The following ZBTB7C variants were observed in gnomAD, a reference collection of about 807,000 sequenced individuals.
ZBTB7C encodes zinc finger and BTB domain-containing protein 7C.
Under a neutral mutation model 25.7 loss-of-function variants are expected in ZBTB7C, and 8 were observed. The ratio of observed to expected loss-of-function variants is 0.31; its 90% confidence interval spans 0.18 to 0.56. The LOEUF is 0.56. Among genes scored for constraint, ZBTB7C ranks in the 20% least tolerant of loss-of-function variants. The pLI, the probability that ZBTB7C is intolerant of heterozygous loss-of-function variation, is 0.91. For synonymous variants in ZBTB7C, 394 were observed against 369.0 expected (o/e 1.07, Z -0.78); for missense variants, 824 against 855.2 (o/e 0.96, Z 0.46).
intron 3 of ZBTB7C, among the ~76,000 whole-genome samples, chr18:48,062,244 T>A (rs1171887531): frequency 1.3e-5 from 2 of 152,220 alleles, no homozygotes; most frequent in African/African-American, 4.8e-5. Flanking sequence ...TCCTGAGGGT[T>A]CATCATGTGA....
intron 2 of ZBTB7C, among the ~76,000 whole-genome samples, chr18:48,193,182 G>A (rs1416389490): frequency 1.3e-5 from 2 of 152,116 alleles, no homozygotes; most frequent in African/African-American, 2.4e-5. Flanking sequence ...CCTCCAGCTG[G>A]TGATGCAAAC....
chr18:48,196,559 A>G (rs2145183801), intron 2 of ZBTB7C, among the ~76,000 whole-genome samples: 1 of 152,232 alleles, frequency 6.6e-6, no homozygotes, highest in African/African-American at 2.4e-5. Flanking sequence ...GTTTATGTCC[A>G]ATTGTGTCAC....
At chr18:48,408,837 C>T (rs536743699) in intron 1 of ZBTB7C, among the ~76,000 whole-genome samples, 17 of 151,770 alleles carry the variant, frequency 1.1e-4, no homozygotes, top group African/African-American at 3.9e-4. Context: ...CAGCCCCGCG[C>T]GCCACTTCGC....
Position 48,028,962 on chromosome 18 carries a change from C to G in ZBTB7C, c.*298G>C. The stretch of plus-strand genomic sequence containing the variant: ...TGACTCACCCAGCTCCTAAGTGCCC[C>G]TGGGCACCCAGTTCTTTGTGGCATG... On this transcript the variant is annotated 3_prime_UTR_variant, in exon 5 of 5. Coordinates refer to ENST00000590800, the MANE Select transcript of ZBTB7C (RefSeq NM_001318841.2). 2.5e-6 allele frequency: 1 copy of G among 395,496 alleles called. No homozygotes were observed. Among genetic ancestry groups the G allele is most frequent in the East Asian group, 5.8e-5 (1 of 17,174 alleles). The allele number at this position is 395,496 out of a possible 1,614,324, so 24.5% of individuals were successfully genotyped here.
intron 3 of ZBTB7C, among the ~76,000 whole-genome samples, chr18:48,053,246 C>A (rs891797485): frequency 8.5e-5 from 13 of 152,170 alleles, no homozygotes; most frequent in Non-Finnish European, 1.6e-4. Flanking sequence ...GAGTTGGGAG[C>A]GGCCGCTTCT....
chr18:48,398,110 G>A lies in ZBTB7C; in HGVS notation c.-304+11116C>T, dbSNP rs117851602. Among the ~76,000 whole-genome samples, 95 of 152,366 alleles carry A rather than the reference G, an allele frequency of 6.2e-4. 1 individual carries two copies. The East Asian group carries it at 0.015, about 24-fold the overall frequency. On this transcript the variant is annotated intron_variant, in intron 1 of 4. Coordinates refer to ENST00000590800, the MANE Select transcript of ZBTB7C (RefSeq NM_001318841.2). ...TGAGCCCCTGAAAGGGCCGGCTGCC[G>A]GGATTAGGGACAGCATTCATTGGAA...
chr18:48,125,507 G>A (rs551973883), intron 3 of ZBTB7C, among the ~76,000 whole-genome samples: 123 of 152,360 alleles, frequency 8.1e-4, no homozygotes, highest in African/African-American at 2.3e-3. Context: ...GTGCCATGGT[G>A]TAAATGGCAA....
chr18:48,089,040 A>G (rs1400163892), intron 3 of ZBTB7C, among the ~76,000 whole-genome samples: 2 of 152,186 alleles, frequency 1.3e-5, no homozygotes, highest in Non-Finnish European at 2.9e-5. Flanking sequence ...ACCCTCCCTG[A>G]GCCCGGTTTA....
chr18:48,284,851 C>T (rs550561746), intron 2 of ZBTB7C, among the ~76,000 whole-genome samples: 1 of 151,424 alleles, frequency 6.6e-6, no homozygotes, highest in East Asian at 1.9e-4. Context: ...TCATCCCCAG[C>T]CTCCTTTGGT....
Position 48,384,171 on chromosome 18 carries a change from C to G in ZBTB7C, c.-304+25055G>C, listed in dbSNP as rs149316709. Among the ~76,000 whole-genome samples the G allele has an allele frequency of 1.4e-3, 212 of 152,330 alleles. 1 individual carries two copies. Among genetic ancestry groups the G allele is most frequent in the African/African-American group, 4.9e-3 (205 of 41,572 alleles). On this transcript the variant is annotated intron_variant, in intron 1 of 4. Coordinates refer to ENST00000590800, the MANE Select transcript of ZBTB7C (RefSeq NM_001318841.2). ...AGAAGGATGGAAATAAGATACAAGG[C>G]TTGAGCAACGGTCAGCTTTGGGTTT...
chr18:48,095,068 C>T lies in ZBTB7C; in HGVS notation c.-16-53945G>A, dbSNP rs552812070. Reference sequence around the variant, plus strand: ...AGCTGAATTTGCTGCAAAAATCTCCCCCAATTCCCTCCTGGTAGTAACCAG... The same window carrying T: ...AGCTGAATTTGCTGCAAAAATCTCCTCCAATTCCCTCCTGGTAGTAACCAG... On this transcript the variant is annotated intron_variant, in intron 3 of 4. Transcript: ENST00000590800. Among the ~76,000 whole-genome samples, 13 of 152,230 alleles carry T rather than the reference C, an allele frequency of 8.5e-5. No individual in the cohort carries two copies. In the South Asian group the frequency reaches 2.3e-3, roughly 27 times the overall value.
chr18:48,154,229 A>T (rs1013390182), intron 3 of ZBTB7C, among the ~76,000 whole-genome samples: 2 of 152,134 alleles, frequency 1.3e-5, no homozygotes, highest in Admixed American at 1.3e-4. Flanking sequence ...CAGGAGGTCA[A>T]TCAAGGATCT....
intron 3 of ZBTB7C, among the ~76,000 whole-genome samples, chr18:48,177,589 T>TTG (rs151061136): frequency 4.0e-5 from 6 of 151,608 alleles, no homozygotes; most frequent in Non-Finnish European, 8.8e-5. Context: ...ATGTGTGTGT[T>TTG]TGTGTGTGTG....
intron 2 of ZBTB7C, among the ~76,000 whole-genome samples, chr18:48,291,378 A>C (rs552939052): frequency 2.0e-4 from 30 of 152,272 alleles, no homozygotes; most frequent in African/African-American, 5.8e-4. Flanking sequence ...GGATTCAACA[A>C]AGCAGCAACA....
At chr18:48,061,373 C>T (rs1488585011) in intron 3 of ZBTB7C, among the ~76,000 whole-genome samples, 1 of 152,166 alleles carries the variant, frequency 6.6e-6, no homozygotes, top group Non-Finnish European at 1.5e-5. Context: ...TATAGTCCCA[C>T]GTGGAGTGCT....
intron 3 of ZBTB7C, among the ~76,000 whole-genome samples, chr18:48,094,345 T>G (rs1170452075): frequency 6.6e-6 from 1 of 152,230 alleles, no homozygotes; most frequent in Non-Finnish European, 1.5e-5. Flanking sequence ...GCCACAGTTG[T>G]AGCATTTGAC....
At chr18:48,144,076 G>A (rs1374415280) in intron 3 of ZBTB7C, among the ~76,000 whole-genome samples, 1 of 152,078 alleles carries the variant, frequency 6.6e-6, no homozygotes, top group Admixed American at 6.6e-5. Flanking sequence ...TCAGGAGTTC[G>A]AGACCAGCCT....
At chr18:48,307,411 G>A (rs529954251) in intron 2 of ZBTB7C, among the ~76,000 whole-genome samples, 1 of 152,346 alleles carries the variant, frequency 6.6e-6, no homozygotes, top group Admixed American at 6.5e-5. Flanking sequence ...AAAAGGATTT[G>A]CCCAGGCCAG....
chr18:48,034,990 G>T (rs2035912859), intron 4 of ZBTB7C, among the ~76,000 whole-genome samples: 1 of 152,112 alleles, frequency 6.6e-6, no homozygotes, highest in South Asian at 2.1e-4. Context: ...GTAACCCGAT[G>T]GTTTGAGACA....
Sources: gnomAD v4.1 joint callset for allele counts (sites outside exome capture counted in the v4.1 genomes callset) on GRCh38, gnomAD v4.1.1 for gene constraint, MANE v1.5 for transcripts, NCBI Gene and HGNC (gene_info 2026-07-23, HGNC 2026-07-21) for gene names.